Variants in RIN2 observed in about 807,000 individuals in gnomAD.
RIN2 encodes the protein Ras and Rab interactor 2, also known as RAB5 interacting protein 2.
A neutral mutation model predicts 78.0 loss-of-function variants in RIN2; 36 were observed. The ratio of observed to expected loss-of-function variants is 0.46; its 90% CI spans 0.35 to 0.61. RIN2 has a LOEUF of 0.61. Among genes scored for constraint, RIN2 ranks in the 20% least tolerant of loss-of-function variants. The pLI, the probability that RIN2 is intolerant of heterozygous loss-of-function variation, is 0.00. For synonymous variants in RIN2, 466 were observed against 466.8 expected (o/e 1.00, Z 0.02); for missense variants, 1,087 against 1,159.7 (o/e 0.94, Z 0.91).
rs1329683317 is a variant in RIN2 at position 20,002,082 on chromosome 20, A to G, written c.*1146A>G. ...GTAATGTATAATGTGGCTTTTGTTG[A>G]GTTAAATAAGATGCTATATAATGGA... On this transcript the variant is annotated 3_prime_UTR_variant, in exon 13 of 13. Coordinates refer to ENST00000255006, the MANE Select transcript of RIN2 (RefSeq NM_018993.4). 2 of 152,358 alleles carry G rather than the reference A, an allele frequency of 1.3e-5. No individual in the cohort carries two copies. Among genetic ancestry groups the G allele is most frequent in the African/African-American group, 2.4e-5 (1 of 41,454 alleles). The allele number at this position is 152,358 out of a possible 1,614,324, so 9.4% of individuals were successfully genotyped here. A position where few individuals can be genotyped will look rare whatever the true frequency, so the allele number is the denominator to read the frequency against.
At chr20:19,762,684 T>C (rs1173021722) in intron 1 of RIN2, among the ~76,000 whole-genome samples, 1 of 152,154 alleles carries the variant, frequency 6.6e-6, no homozygotes, top group African/African-American at 2.4e-5. Context: ...CAAGTGTGTG[T>C]GTGAGCATGC....
At chr20:19,894,403 T>A (rs538346766) in intron 3 of RIN2, among the ~76,000 whole-genome samples, 74 of 152,274 alleles carry the variant, frequency 4.9e-4, no homozygotes, top group African/African-American at 7.0e-4. Context: ...AAAATTTTTT[T>A]AAATTTTTAA....
rs112459915 is a variant in RIN2, at chr20:19,963,245, T to C, written c.464-1707T>C. Among the ~76,000 whole-genome samples, 1,265 of 152,252 alleles carry C rather than the reference T, an allele frequency of 8.3e-3. 18 individuals are homozygous for C. Among genetic ancestry groups the C allele is most frequent in the African/African-American group, 0.028 (1,183 of 41,520 alleles). On this transcript the variant is annotated intron_variant, in intron 6 of 12. Transcript: ENST00000255006. ...TGTTTGTTGTTTCTGTGTGTCTGTG[T>C]GTGTCTGTGATGGTATATGTGTAGC...
At chr20:19,764,487 G>A (rs2033781883) in intron 1 of RIN2, among the ~76,000 whole-genome samples, 1 of 152,212 alleles carries the variant, frequency 6.6e-6, no homozygotes, top group Admixed American at 6.5e-5. Context: ...CCAGATAAGG[G>A]ACGTGGAACC....
In RIN2 at chr20:20,000,907, A is replaced by G. The variant is rs376601257; in HGVS notation, c.2659A>G (p.Asn887Asp). 10 of 1,612,616 alleles carry G rather than the reference A, an allele frequency of 6.2e-6. No homozygotes were observed. Among genetic ancestry groups the G allele is most frequent in the Non-Finnish European group, 8.5e-6 (10 of 1,179,258 alleles). Residue 887 changes from asparagine to aspartate, a missense_variant, in exon 13 of 13, where the codon AAC becomes GAC. Around this residue, in one of 8 missense-constraint regions of RIN2, gnomAD observed 160 missense variants for 179.4 expected, o/e 0.89. Coordinates refer to ENST00000255006, the MANE Select transcript of RIN2 (RefSeq NM_018993.4). ...CGATCCTTATGGCATCATTTTCCAG[A>G]ACGGGGAAGAAGACCTCACCACCTC... ...KNDPYGIIFQNGEEDLTTS is the reference protein window; with the variant it reads ...KNDPYGIIFQDGEEDLTTS
chr20:19,794,607 A>T lies in RIN2; in HGVS notation c.-162-5015A>T, dbSNP rs938746597. ...AATAACGTTCATATGAACCTTCTAG[A>T]TGATGCTATCAAAATATGTGGAAAA... On this transcript the variant is annotated intron_variant, in intron 1 of 12. Transcript: ENST00000255006. Among the ~76,000 whole-genome samples, 64 of 151,920 alleles carry T rather than the reference A, an allele frequency of 4.2e-4. 1 individual carries two copies. The highest frequency in any genetic ancestry group is 9.0e-4 in the Non-Finnish European group (61 of 67,932).
intron 2 of RIN2, among the ~76,000 whole-genome samples, chr20:19,842,815 G>T (rs952314210): frequency 1.3e-5 from 2 of 151,930 alleles, no homozygotes; most frequent in Non-Finnish European, 2.9e-5. Context: ...GCTGCCATAG[G>T]TAGTGATTCC....
intron 1 of RIN2, among the ~76,000 whole-genome samples, chr20:19,767,581 G>A (rs952495462): frequency 1.3e-5 from 2 of 152,044 alleles, no homozygotes; most frequent in African/African-American, 4.8e-5. Flanking sequence ...CCTCATTTTG[G>A]GGTACTGTTT....
chr20:19,766,390 T>C (rs566866342), intron 1 of RIN2, among the ~76,000 whole-genome samples: 4 of 152,036 alleles, frequency 2.6e-5, no homozygotes, highest in Non-Finnish European at 5.9e-5. Flanking sequence ...CCATGGGACG[T>C]TGGGATCAGA....
At chr20:19,834,012 C>G (rs1477167351) in intron 2 of RIN2, among the ~76,000 whole-genome samples, 3 of 152,104 alleles carry the variant, frequency 2.0e-5, no homozygotes, top group African/African-American at 7.2e-5. Context: ...TGAGTGAGAC[C>G]CCCAGTGGCC....
intron 9 of RIN2, among the ~76,000 whole-genome samples, chr20:19,984,000 G>A (rs6046505): frequency 0.37 from 54,982 of 146,966 alleles, 12,459 homozygotes; most frequent in African/African-American, 0.63. Context: ...ATTTACATTA[G>A]GTATTTCTCC....
intron 2 of RIN2, among the ~76,000 whole-genome samples, chr20:19,815,148 T>C (rs1187011435): frequency 1.3e-5 from 2 of 152,196 alleles, no homozygotes; most frequent in African/African-American, 4.8e-5. Context: ...GCATTTTGTT[T>C]ATTTATTTTT....
chr20:19,904,624 G>A (rs1246058718), intron 3 of RIN2, among the ~76,000 whole-genome samples: 1 of 152,170 alleles, frequency 6.6e-6, no homozygotes, highest in East Asian at 1.9e-4. Context: ...GAGAAAAAGG[G>A]TGGCAAGTAT....
At chr20:19,880,211 A>C (rs1485217122) in intron 2 of RIN2, among the ~76,000 whole-genome samples, 1 of 150,056 alleles carries the variant, frequency 6.7e-6, no homozygotes, top group Non-Finnish European at 1.5e-5. Context: ...AGATCATGCC[A>C]CTGTACTCCA....
At chr20:19,919,013 C>T (rs892037912) in intron 3 of RIN2, among the ~76,000 whole-genome samples, 2 of 152,204 alleles carry the variant, frequency 1.3e-5, no homozygotes, top group African/African-American at 4.8e-5. Context: ...GGCTGGGAGG[C>T]TGGAAGGCCC....
intron 4 of RIN2, among the ~76,000 whole-genome samples, chr20:19,954,154 C>T (rs913937360): frequency 1.3e-5 from 2 of 152,210 alleles, no homozygotes; most frequent in African/African-American, 4.8e-5. Context: ...AGGTTGGCTT[C>T]TTCTAAATTC....
At chr20:19,881,350 A>T (rs922455348) in intron 2 of RIN2, among the ~76,000 whole-genome samples, 1 of 152,188 alleles carries the variant, frequency 6.6e-6, no homozygotes, top group Non-Finnish European at 1.5e-5. Flanking sequence ...TTCCCTGCGC[A>T]TCACTAACTA....
intron 2 of RIN2, among the ~76,000 whole-genome samples, chr20:19,822,703 A>G (rs928651315): frequency 2.0e-5 from 3 of 152,170 alleles, no homozygotes; most frequent in African/African-American, 7.2e-5. Flanking sequence ...TTAAAGCACC[A>G]AATACATCTA....
At chr20:19,917,848 G>A (rs1450423274) in intron 3 of RIN2, among the ~76,000 whole-genome samples, 2 of 152,188 alleles carry the variant, frequency 1.3e-5, no homozygotes, top group East Asian at 3.8e-4. Flanking sequence ...GTCCACAGCT[G>A]TTTGACATTT....
Sources: allele counts gnomAD v4.1 joint callset (sites outside exome capture counted in the v4.1 genomes callset), GRCh38; gene constraint gnomAD v4.1.1; regional missense constraint gnomAD v4.1.1; transcripts MANE v1.5; gene names NCBI Gene and HGNC (gene_info 2026-07-23, HGNC 2026-07-21).